HS3ST4: variants seen among roughly 807,000 people sequenced by gnomAD.
The protein encoded by HS3ST4 is heparan sulfate glucosamine 3-O-sulfotransferase 4.
Under a neutral mutation model 29.2 loss-of-function variants are expected in HS3ST4, and 17 were observed. The ratio of observed to expected loss-of-function variants is 0.58; its 90% confidence interval spans 0.40 to 0.87. HS3ST4 has a LOEUF of 0.87. HS3ST4 is among the 40% of genes least tolerant of loss of function. The pLI is 0.00. For missense variants in HS3ST4, 627 were observed against 634.5 expected, an observed-to-expected ratio of 0.99 and a Z score of 0.13; for synonymous variants, 314 against 285.7, an observed-to-expected ratio of 1.10 and a Z score of -1.00.
At chr16:25,799,206 T>G (rs1314377698) in intron 1 of HS3ST4, among the ~76,000 whole-genome samples, 1 of 152,188 alleles carries the variant, frequency 6.6e-6, no homozygotes, top group Admixed American at 6.5e-5. Context: ...GTGTTGTAAG[T>G]GATTTCCATG....
At chr16:25,983,904 T>C (rs112618965) in intron 1 of HS3ST4, among the ~76,000 whole-genome samples, 2 of 1,980 alleles carry the variant, frequency 1.0e-3, no homozygotes, top group African/African-American at 4.5e-3. Context: ...GTGTCTGTGT[T>C]TGTGTGTGTG....
At position 26,057,765 on chromosome 16, in the gene HS3ST4, T is replaced by G. The variant is rs144106256; in HGVS notation, c.735-77847T>G. 4.8e-3 allele frequency among the ~76,000 whole-genome samples: 719 copies of G among 150,510 alleles called. 1 individual carries two copies. The highest frequency in any genetic ancestry group is 0.01 in the Middle Eastern group (3 of 294). On this transcript the variant is annotated intron_variant, in intron 1 of 1. Coordinates refer to ENST00000331351, the MANE Select transcript of HS3ST4 (RefSeq NM_006040.3). ...CTCTAAAGATAAAGAAAGAAAGAAATAAGCTAGTGCATTTCTTGCCAAGCA... is the reference window on the plus strand; with the variant it reads ...CTCTAAAGATAAAGAAAGAAAGAAAGAAGCTAGTGCATTTCTTGCCAAGCA...
At chr16:25,816,762 C>T (rs911906218) in intron 1 of HS3ST4, among the ~76,000 whole-genome samples, 1 of 152,078 alleles carries the variant, frequency 6.6e-6, no homozygotes, top group African/African-American at 2.4e-5. Flanking sequence ...AGTCAGAGGT[C>T]GAGGAGCCAC....
intron 1 of HS3ST4, 82 bp downstream of exon 1, chr16:25,693,233 G>A: frequency 1.4e-6 from 2 of 1,412,034 alleles, no homozygotes; most frequent in Admixed American, 5.4e-5. Context: ...CGCCCTTCGA[G>A]CATCCAGGCA....
intron 1 of HS3ST4, among the ~76,000 whole-genome samples, chr16:25,873,560 A>ATCCACCTATCCATCCAGCTAGCAAGC: frequency 7.9e-6 from 1 of 126,598 alleles, no homozygotes; most frequent in South Asian, 2.6e-4. Flanking sequence ...ATCTGTCTAT[A>ATCCACCTATCCATCCAGCTAGCAAGC]CATCCATCCA....
chr16:26,034,821 A>T lies in HS3ST4; in HGVS notation c.735-100791A>T, dbSNP rs976858785. ...CCATAACTACAAACATAAATAAATA[A>T]GTAAATAAATAATTAGCTGGGTGTG... On this transcript the variant is annotated intron_variant, in intron 1 of 1. Transcript: ENST00000331351. Among the ~76,000 whole-genome samples, 7 of 152,216 alleles carry T rather than the reference A, an allele frequency of 4.6e-5. No homozygotes were observed. In the East Asian group the frequency reaches 1.4e-3, roughly 29 times the overall value.
chr16:25,764,499 A>G (rs1288441775), intron 1 of HS3ST4, among the ~76,000 whole-genome samples: 1 of 152,102 alleles, frequency 6.6e-6, no homozygotes, highest in East Asian at 1.9e-4. Context: ...GTGCACCCGC[A>G]TGTGTATGTG....
At chr16:25,860,879 C>T (rs534862150) in intron 1 of HS3ST4, among the ~76,000 whole-genome samples, 3 of 152,136 alleles carry the variant, frequency 2.0e-5, no homozygotes, top group Admixed American at 6.5e-5. Context: ...TGGGTGATAA[C>T]GATGTGTCAG....
At chr16:25,965,771 C>T (rs4073721) in intron 1 of HS3ST4, among the ~76,000 whole-genome samples, 25,217 of 152,160 alleles carry the variant, frequency 0.17, 2,210 homozygotes, top group African/African-American at 0.17. Flanking sequence ...AAAATACTTA[C>T]AAATATACTT....
intron 1 of HS3ST4, among the ~76,000 whole-genome samples, chr16:25,946,116 CT>C (rs1968623751): frequency 6.6e-6 from 1 of 152,172 alleles, no homozygotes; most frequent in Non-Finnish European, 1.5e-5. Flanking sequence ...AAACTCATTT[CT>C]TGTGCATCGA....
chr16:25,943,628 G>T (rs569012666), intron 1 of HS3ST4, among the ~76,000 whole-genome samples: 1 of 152,122 alleles, frequency 6.6e-6, no homozygotes, highest in Non-Finnish European at 1.5e-5. Flanking sequence ...CACAGTCAGG[G>T]TGGATGGCTG....
chr16:26,134,352 C>T (rs201859260), intron 1 of HS3ST4, among the ~76,000 whole-genome samples: 5 of 108,298 alleles, frequency 4.6e-5, no homozygotes, highest in Admixed American at 9.6e-5. Context: ...CTTTTCTTTT[C>T]TTTTCTTTTC....
At chr16:25,823,835 A>C (rs1042899358) in intron 1 of HS3ST4, among the ~76,000 whole-genome samples, 1 of 152,224 alleles carries the variant, frequency 6.6e-6, no homozygotes, top group African/African-American at 2.4e-5. Flanking sequence ...AAGTCATGAG[A>C]TTACAGGCTT....
At chr16:25,921,786 G>A (rs549822635) in intron 1 of HS3ST4, among the ~76,000 whole-genome samples, 1 of 144,116 alleles carries the variant, frequency 6.9e-6, no homozygotes, top group South Asian at 2.2e-4. Context: ...ACAGGGTTCT[G>A]CTCTGTCACC....
intron 1 of HS3ST4, among the ~76,000 whole-genome samples, chr16:25,729,896 A>G (rs1966559854): frequency 6.6e-6 from 1 of 152,184 alleles, no homozygotes; most frequent in African/African-American, 2.4e-5. Context: ...CAGAGCATTA[A>G]ATGAGAGCTG....
intron 1 of HS3ST4, among the ~76,000 whole-genome samples, chr16:25,812,702 C>G (rs1967053002): frequency 2.4e-5 from 2 of 84,518 alleles, no homozygotes; most frequent in South Asian, 5.4e-4. Context: ...CAAAGTACTT[C>G]CTTTTTTTTT....
At chr16:26,106,576 C>G (rs1217281511) in intron 1 of HS3ST4, among the ~76,000 whole-genome samples, 1 of 152,180 alleles carries the variant, frequency 6.6e-6, no homozygotes, top group African/African-American at 2.4e-5. Flanking sequence ...CAAACCAACC[C>G]TCTGGTGAGA....
intron 1 of HS3ST4, among the ~76,000 whole-genome samples, chr16:25,865,025 A>G (rs1967680447): frequency 6.6e-6 from 1 of 151,660 alleles, no homozygotes; most frequent in Non-Finnish European, 1.5e-5. Flanking sequence ...TGTATACACC[A>G]CATTTCCTTT....
chr16:25,999,792 T>C (rs900863464), intron 1 of HS3ST4, among the ~76,000 whole-genome samples: 4 of 136,638 alleles, frequency 2.9e-5, no homozygotes, highest in Non-Finnish European at 6.2e-5. Flanking sequence ...TATATATATT[T>C]TATATATATT....
Sources: gnomAD v4.1 joint callset for allele counts (sites outside exome capture counted in the v4.1 genomes callset) on GRCh38, gnomAD v4.1.1 for gene constraint, MANE v1.5 for transcripts, NCBI Gene and HGNC (gene_info 2026-07-23, HGNC 2026-07-21) for gene names.